SNX29: variants seen among roughly 807,000 people sequenced by gnomAD.
SNX29 encodes the protein sorting nexin 29.
A neutral mutation model predicts 102.1 loss-of-function variants in SNX29; 78 were observed. The observed-to-expected ratio is 0.76, with a 90% CI of 0.64 to 0.92. The LOEUF (loss-of-function observed/expected upper bound fraction) is 0.92, where lower values mean the gene tolerates loss of function less well. Among genes scored for constraint, SNX29 ranks in the 40% least tolerant of loss-of-function variants. The pLI is 0.00. For synonymous variants in SNX29, 580 were observed against 414.5 expected (o/e 1.40, Z -4.85); for missense variants, 1,280 against 1,061.7 (o/e 1.21, Z -2.86).
In SNX29 at chr16:11,999,621, G is replaced by A. The variant is rs377483663; in HGVS notation, c.69+263G>A. 6.6e-5 allele frequency among the ~76,000 whole-genome samples: 10 copies of A among 152,314 alleles called. No homozygotes were observed. The South Asian group carries it at 2.1e-3, about 32-fold the overall frequency. The stretch of plus-strand genomic sequence containing the variant: ...GATGTCCCTTCAAGAAAGGCACTGG[G>A]CCAGGTGCAGTGGCTCACGCCTGTA... On this transcript the variant is annotated intron_variant, in intron 2 of 20. Transcript: ENST00000566228.
chr16:12,187,414 T>C (rs920432464), intron 13 of SNX29, among the ~76,000 whole-genome samples: 4 of 151,906 alleles, frequency 2.6e-5, no homozygotes, highest in Admixed American at 2.6e-4. Flanking sequence ...ATTAGCCGGG[T>C]GTGCACGCCT....
At chr16:12,564,807 C>T (rs916897752) in intron 20 of SNX29, among the ~76,000 whole-genome samples, 4 of 151,706 alleles carry the variant, frequency 2.6e-5, no homozygotes, top group Admixed American at 2.0e-4. Context: ...GTTGTCATTC[C>T]AGAAGTCTCG....
chr16:12,464,892 C>G (rs970841918), intron 18 of SNX29, among the ~76,000 whole-genome samples: 2 of 152,170 alleles, frequency 1.3e-5, no homozygotes, highest in Non-Finnish European at 2.9e-5. Flanking sequence ...GTTTCCTTTT[C>G]TCGATACCCT....
intron 15 of SNX29, among the ~76,000 whole-genome samples, chr16:12,321,057 C>T (rs1216397646): frequency 6.6e-6 from 1 of 152,170 alleles, no homozygotes; most frequent in African/African-American, 2.4e-5. Context: ...CTAGCCTCCT[C>T]CAGGAGGTCC....
chr16:12,179,104 GTA>G (rs910270693), intron 13 of SNX29, among the ~76,000 whole-genome samples: 7 of 152,112 alleles, frequency 4.6e-5, no homozygotes, highest in Non-Finnish European at 8.8e-5. Flanking sequence ...CTGTGTGTGT[GTA>G]TATATATATT....
chr16:11,979,258 G>A (rs193077013), intron 1 of SNX29, among the ~76,000 whole-genome samples: 1 of 108,460 alleles, frequency 9.2e-6, no homozygotes, highest in Admixed American at 1.2e-4. Flanking sequence ...CTGGGCAACA[G>A]AGTGAGACTC....
At chr16:12,258,685 C>T (rs755119078) in intron 14 of SNX29, among the ~76,000 whole-genome samples, 13 of 152,148 alleles carry the variant, frequency 8.5e-5, no homozygotes, top group Non-Finnish European at 1.9e-4. Context: ...ATCAGAATTC[C>T]AGAGCCTTCT....
chr16:12,424,359 C>T (rs34920830), intron 18 of SNX29, among the ~76,000 whole-genome samples: 50,676 of 152,030 alleles, frequency 0.33, 10,227 homozygotes, highest in Non-Finnish European at 0.45. Flanking sequence ...CTTTTCTCTT[C>T]CACTGCATAC....
At chr16:12,363,640 GT>G (rs2082368955) in intron 16 of SNX29, among the ~76,000 whole-genome samples, 1 of 152,202 alleles carries the variant, frequency 6.6e-6, no homozygotes, top group Admixed American at 6.5e-5. Context: ...CTCAGTAAAT[GT>G]TTGCTACATG....
intron 18 of SNX29, among the ~76,000 whole-genome samples, chr16:12,405,339 C>T (rs1172616729): frequency 6.6e-6 from 1 of 152,112 alleles, no homozygotes; most frequent in East Asian, 1.9e-4. Context: ...GCAAATATGC[C>T]GTTGCCTGGG....
At chr16:12,463,204 T>C (rs2086889519) in intron 18 of SNX29, among the ~76,000 whole-genome samples, 1 of 152,192 alleles carries the variant, frequency 6.6e-6, no homozygotes, top group Non-Finnish European at 1.5e-5. Flanking sequence ...GCATTGCTAC[T>C]CAAACCCAGA....
intron 18 of SNX29, chr16:12,443,219 A>T (rs1437829694): frequency 3.0e-6 from 1 of 332,158 alleles, no homozygotes; most frequent in African/African-American, 2.2e-5. Flanking sequence ...GGGACATGGC[A>T]TTGCGGCACT....
chr16:12,132,369 G>C (rs1243576637), intron 13 of SNX29, among the ~76,000 whole-genome samples: 1 of 152,190 alleles, frequency 6.6e-6, no homozygotes, highest in Non-Finnish European at 1.5e-5. Context: ...CAAAGTGCTT[G>C]GATTACAGGC....
intron 9 of SNX29, among the ~76,000 whole-genome samples, chr16:12,065,978 C>A (rs2051016860): frequency 6.6e-6 from 1 of 152,166 alleles, no homozygotes. Context: ...ATGAGACGGT[C>A]TATGCTGTGT....
intron 14 of SNX29, among the ~76,000 whole-genome samples, chr16:12,268,744 C>G (rs867837580): frequency 1.3e-5 from 2 of 152,188 alleles, no homozygotes; most frequent in African/African-American, 4.8e-5. Flanking sequence ...GCATCTCACA[C>G]TGTTTGCATC....
At chr16:12,398,819 C>G (rs2083823753) in intron 17 of SNX29, among the ~76,000 whole-genome samples, 1 of 151,630 alleles carries the variant, frequency 6.6e-6, no homozygotes, top group Non-Finnish European at 1.5e-5. Flanking sequence ...AGGCCACAGT[C>G]TGCTGGAGCT....
At chr16:11,986,192 G>T (rs1162289419) in intron 1 of SNX29, among the ~76,000 whole-genome samples, 2 of 151,846 alleles carry the variant, frequency 1.3e-5, no homozygotes, top group African/African-American at 2.4e-5. Flanking sequence ...GGGGAGTGAG[G>T]ACTCTTTTCC....
chr16:12,550,772 G>C (rs1438891582), intron 20 of SNX29, among the ~76,000 whole-genome samples: 1 of 147,512 alleles, frequency 6.8e-6, no homozygotes. Flanking sequence ...AAAGTGTAGA[G>C]GCTGAATAGC....
intron 20 of SNX29, 134 bp from the exon 21 acceptor site, chr16:12,568,372 A>C: frequency 8.4e-7 from 1 of 1,197,010 alleles, no homozygotes; most frequent in Non-Finnish European, 1.2e-6. Context: ...GGCACCAGTT[A>C]GAGGCAGATC....
Sources: gnomAD v4.1 joint callset for allele counts (sites outside exome capture counted in the v4.1 genomes callset) on GRCh38, gnomAD v4.1.1 for gene constraint, MANE v1.5 for transcripts, NCBI Gene and HGNC (gene_info 2026-07-23, HGNC 2026-07-21) for gene names.